SCAPER: variants seen among roughly 807,000 people sequenced by gnomAD.
The protein encoded by SCAPER is S-phase cyclin A associated protein in the ER.
SCAPER carries 98 observed loss-of-function variants against 182.2 expected under a neutral mutation model. That is an observed-to-expected ratio of 0.54 (90% CI 0.46 to 0.64). The LOEUF is 0.64. SCAPER is among the 30% of genes least tolerant of loss of function. The pLI is 0.00. For missense variants in SCAPER, 1,432 were observed against 1,690.0 expected, an observed-to-expected ratio of 0.85 and a Z score of 2.68; for synonymous variants, 605 against 564.6, an observed-to-expected ratio of 1.07 and a Z score of -1.01.
chr15:76,761,461 T>C (rs574891658), intron 14 of SCAPER, among the ~76,000 whole-genome samples: 1 of 152,326 alleles, frequency 6.6e-6, no homozygotes, highest in African/African-American at 2.4e-5. Flanking sequence ...CAGAGTCTTG[T>C]TTTGCTACAT....
intron 25 of SCAPER, among the ~76,000 whole-genome samples, chr15:76,457,015 CT>C (rs1183789320): frequency 6.7e-6 from 1 of 150,296 alleles, no homozygotes; most frequent in Non-Finnish European, 1.5e-5. Context: ...ATGGTTAGGT[CT>C]TTTTATCCAT....
chr15:76,654,175 G>A (rs2055410774), intron 21 of SCAPER, among the ~76,000 whole-genome samples: 1 of 152,102 alleles, frequency 6.6e-6, no homozygotes, highest in Admixed American at 6.5e-5. Context: ...GGCCAAGGCG[G>A]GCTGATCACG....
At chr15:76,730,300 G>A (rs1427135968) in intron 16 of SCAPER, among the ~76,000 whole-genome samples, 2 of 151,272 alleles carry the variant, frequency 1.3e-5, no homozygotes, top group Non-Finnish European at 2.9e-5. Context: ...TTTTTTTTGA[G>A]GGGGTAGGTG....
chr15:76,634,393 G>A (rs1175930877), intron 21 of SCAPER, among the ~76,000 whole-genome samples: 4 of 152,104 alleles, frequency 2.6e-5, no homozygotes. Flanking sequence ...CTTGGTGGGA[G>A]CTGCAGAGTG....
In SCAPER at chr15:76,630,496, G is replaced by C. The variant is rs147279107; in HGVS notation, c.2646-8667C>G. Reference sequence around the variant, plus strand: ...TGTGTCCCAGAGATTCTGGCACGTTGTCTCTTTGTTCTCATTGGTTTCAAA... The same window carrying C: ...TGTGTCCCAGAGATTCTGGCACGTTCTCTCTTTGTTCTCATTGGTTTCAAA... On this transcript the variant is annotated intron_variant, in intron 21 of 31. Coordinates refer to ENST00000563290, the MANE Select transcript of SCAPER (RefSeq NM_020843.4). Among the ~76,000 whole-genome samples the C allele has an allele frequency of 3.3e-5, 5 of 152,252 alleles. No individual in the cohort carries two copies. The East Asian group carries it at 9.6e-4, about 29-fold the overall frequency.
rs918249904 is a variant in SCAPER, at chr15:76,348,636, T to C, written c.4200A>G (p.Lys1400=). The change falls in exon 32 of 32, where the codon AAA becomes AAG. Residue 1400 remains lysine, a synonymous_variant. Transcript: ENST00000563290. The part of the protein sequence containing the change: ...ARQFFLKKEK[K] ...AATACAGAATCAACCAAAACATTTA[T>C]TTTTTCTCTTTTTTCAAGAAAAACT... 1 of 1,533,680 alleles carries C rather than the reference T, an allele frequency of 6.5e-7. No homozygotes were observed. Among genetic ancestry groups the C allele is most frequent in the African/African-American group, 1.4e-5 (1 of 72,146 alleles).
chr15:76,560,527 T>C (rs2046536529), intron 23 of SCAPER, among the ~76,000 whole-genome samples: 1 of 152,226 alleles, frequency 6.6e-6, no homozygotes, highest in Non-Finnish European at 1.5e-5. Context: ...AATTAACTTG[T>C]CCAGGGTCAC....
At chr15:76,594,782 G>A (rs1394444712) in intron 22 of SCAPER, among the ~76,000 whole-genome samples, 1 of 121,220 alleles carries the variant, frequency 8.2e-6, no homozygotes, top group Non-Finnish European at 2.0e-5. Context: ...AATGCTGAGC[G>A]ATTTTGTCAC....
rs754063124 is a variant in SCAPER, at chr15:76,434,064, T to G, written c.3311+14A>C. The G allele has an allele frequency of 1.3e-6, 2 of 1,597,882 alleles. No homozygotes were observed. Among genetic ancestry groups the G allele is most frequent in the Non-Finnish European group, 1.7e-6 (2 of 1,169,150 alleles). On this transcript the variant is annotated intron_variant, in intron 26 of 31. Coordinates refer to ENST00000563290, the MANE Select transcript of SCAPER (RefSeq NM_020843.4). ...TAACAAAGAACAAAGTTTTAAGAAC[T>G]CTAGCAATTTTACCTGATAAGGTCC...
At chr15:76,525,049 T>C (rs2043102464) in intron 23 of SCAPER, among the ~76,000 whole-genome samples, 1 of 152,182 alleles carries the variant, frequency 6.6e-6, no homozygotes. Context: ...TTAGTCACTG[T>C]TAGAATTTTA....
chr15:76,798,576 A>G (rs2065510307), intron 7 of SCAPER, among the ~76,000 whole-genome samples: 1 of 152,120 alleles, frequency 6.6e-6, no homozygotes, highest in Non-Finnish European at 1.5e-5. Flanking sequence ...ACAAACTCCA[A>G]GTATGATAAT....
intron 1 of SCAPER, among the ~76,000 whole-genome samples, chr15:76,892,310 A>G: frequency 6.6e-6 from 1 of 152,254 alleles, no homozygotes; most frequent in Non-Finnish European, 1.5e-5. Flanking sequence ...AACAAAAGCC[A>G]AAACAGACAA....
At chr15:76,780,182 C>T (rs537913700) in intron 8 of SCAPER, among the ~76,000 whole-genome samples, 3 of 152,372 alleles carry the variant, frequency 2.0e-5, no homozygotes, top group South Asian at 2.1e-4. Flanking sequence ...CCAAATACTG[C>T]GCTTTTCCCA....
chr15:76,666,423 T>C (rs138728145), intron 20 of SCAPER, among the ~76,000 whole-genome samples: 7 of 152,284 alleles, frequency 4.6e-5, no homozygotes, highest in Non-Finnish European at 8.8e-5. Context: ...TCCTTATCCA[T>C]CTTAGATTTT....
At position 76,574,248 on chromosome 15, in the gene SCAPER, T is replaced by G; in HGVS notation, c.2748A>C (p.Val916=). ...CCCATGAGCCACTGTCTTGAACTTG[T>G]ACTTGTTTTAGAAGATCTTTGGCTA... ...QRLAKDLLKQ[V]QVQDSGSWAN... is the part of the protein sequence containing the mutation. The change falls in exon 23 of 32, where the codon GTA becomes GTC. Residue 916 remains valine (V), a synonymous_variant. Coordinates refer to ENST00000563290, the MANE Select transcript of SCAPER (RefSeq NM_020843.4). 1 of 1,611,966 alleles carries G rather than the reference T, an allele frequency of 6.2e-7. No individual in the cohort carries two copies. The highest frequency in any genetic ancestry group is 8.5e-7 in the Non-Finnish European group (1 of 1,178,950).
intron 2 of SCAPER, among the ~76,000 whole-genome samples, chr15:76,873,361 G>GGCAA (rs2072907759): frequency 6.9e-6 from 1 of 145,884 alleles, no homozygotes; most frequent in African/African-American, 2.6e-5. Context: ...CAGGCAGGCA[G>GGCAA]GCAGGCAGGC....
chr15:76,654,301 G>A (rs939090071), intron 21 of SCAPER, among the ~76,000 whole-genome samples: 5 of 152,048 alleles, frequency 3.3e-5, no homozygotes, highest in East Asian at 1.9e-4. Context: ...CCAGCTACTC[G>A]GGAGGCTGAG....
intron 27 of SCAPER, among the ~76,000 whole-genome samples, chr15:76,397,710 C>G (rs2044174771): frequency 6.6e-6 from 1 of 152,108 alleles, no homozygotes; most frequent in African/African-American, 2.4e-5. Context: ...CTCCTGACCT[C>G]AGGTGATCCG....
intron 23 of SCAPER, among the ~76,000 whole-genome samples, chr15:76,508,012 T>C (rs1235158330): frequency 6.6e-6 from 1 of 152,182 alleles, no homozygotes; most frequent in Non-Finnish European, 1.5e-5. Flanking sequence ...CACATTGTGT[T>C]ACAACTCCAA....
Sources: gnomAD v4.1 joint callset for allele counts (sites outside exome capture counted in the v4.1 genomes callset) on GRCh38, gnomAD v4.1.1 for gene constraint, MANE v1.5 for transcripts, NCBI Gene and HGNC (gene_info 2026-07-23, HGNC 2026-07-21) for gene names.